Variants in BASP1 observed in about 807,000 individuals in gnomAD.
The protein encoded by BASP1 is brain abundant membrane attached signal protein 1.
Under a neutral mutation model 2.2 loss-of-function variants are expected in BASP1, and 1 was observed. The observed-to-expected ratio is 0.46, with a 90% confidence interval of 0.16 to 2.17. BASP1 has a LOEUF of 2.17. Among genes scored for constraint, BASP1 ranks in the 30% most tolerant of loss-of-function variants. BASP1 has a pLI of 0.27. For missense variants in BASP1, 352 were observed against 327.2 expected, an observed-to-expected ratio of 1.08 and a Z score of -0.58; for synonymous variants, 187 against 154.2, an observed-to-expected ratio of 1.21 and a Z score of -1.58.
intron 1 of BASP1, among the ~76,000 whole-genome samples, chr5:17,249,926 C>T (rs1158178988): frequency 6.6e-6 from 1 of 152,060 alleles, no homozygotes; most frequent in Non-Finnish European, 1.5e-5. Flanking sequence ...CTGAGGTACA[C>T]CATTGATTTT....
intron 1 of BASP1, among the ~76,000 whole-genome samples, chr5:17,234,755 T>C (rs1156481520): frequency 1.3e-5 from 2 of 152,186 alleles, no homozygotes; most frequent in African/African-American, 2.4e-5. Context: ...CGTAGATACA[T>C]GGGGTAGAGA....
At chr5:17,273,878 C>T (rs73052823) in intron 1 of BASP1, among the ~76,000 whole-genome samples, 2,555 of 152,134 alleles carry the variant, frequency 0.017, 70 homozygotes, top group African/African-American at 0.059. Context: ...TGATTTCTGC[C>T]ACGCTTCATC....
intron 1 of BASP1, among the ~76,000 whole-genome samples, chr5:17,243,409 C>T (rs1739911978): frequency 6.6e-6 from 1 of 152,162 alleles, no homozygotes; most frequent in Non-Finnish European, 1.5e-5. Flanking sequence ...CTGCCTTGGC[C>T]TCCCAAAGTG....
At chr5:17,252,388 A>T (rs1388145742) in intron 1 of BASP1, among the ~76,000 whole-genome samples, 2 of 152,268 alleles carry the variant, frequency 1.3e-5, no homozygotes, top group South Asian at 2.1e-4. Context: ...ATCCCCTCTC[A>T]TGTAAAGGTA....
intron 1 of BASP1, among the ~76,000 whole-genome samples, chr5:17,220,395 A>G (rs925246723): frequency 6.6e-6 from 1 of 152,142 alleles, no homozygotes; most frequent in Admixed American, 6.5e-5. Context: ...TATAGAACAA[A>G]TTCAATAGCA....
Position 17,247,297 on chromosome 5 carries a change from A to G in BASP1, c.-9-27911A>G, listed in dbSNP as rs79979912. 2.5e-3 allele frequency among the ~76,000 whole-genome samples: 381 copies of G among 152,330 alleles called. 8 individuals carry two copies. The East Asian group carries it at 0.053, about 21-fold the overall frequency. Reference sequence around the variant, plus strand: ...GAATGTTGGATTCTTAAAGTTCTGAACATGTAAAGTATAGGCCACTGGATC... The same window carrying G: ...GAATGTTGGATTCTTAAAGTTCTGAGCATGTAAAGTATAGGCCACTGGATC... On this transcript the variant is annotated intron_variant, in intron 1 of 1. Coordinates refer to ENST00000322611, the MANE Select transcript of BASP1 (RefSeq NM_006317.5).
chr5:17,268,349 A>G (rs947125216), intron 1 of BASP1, among the ~76,000 whole-genome samples: 13 of 152,204 alleles, frequency 8.5e-5, no homozygotes, highest in Admixed American at 6.5e-5. Flanking sequence ...TCAAACTGAA[A>G]GACTGAATTT....
intron 1 of BASP1, among the ~76,000 whole-genome samples, chr5:17,237,676 C>T (rs183678065): frequency 1.7e-3 from 244 of 145,494 alleles, no homozygotes; most frequent in African/African-American, 5.9e-3. Flanking sequence ...GGCTGTAGTG[C>T]AGTGGCTCAC....
intron 1 of BASP1, among the ~76,000 whole-genome samples, chr5:17,244,194 C>T (rs1229103897): frequency 6.6e-6 from 1 of 152,084 alleles, no homozygotes; most frequent in Non-Finnish European, 1.5e-5. Context: ...GGCTTTAACA[C>T]CATGTGTGCT....
intron 1 of BASP1, among the ~76,000 whole-genome samples, chr5:17,218,255 G>A (rs1396246219): frequency 2.3e-5 from 3 of 130,656 alleles, no homozygotes; most frequent in Non-Finnish European, 4.8e-5. Flanking sequence ...GGCGAGGGGC[G>A]CAGCAGCCAA....
chr5:17,249,925 A>G (rs575872809), intron 1 of BASP1, among the ~76,000 whole-genome samples: 2 of 152,120 alleles, frequency 1.3e-5, no homozygotes, highest in African/African-American at 2.4e-5. Flanking sequence ...ACTGAGGTAC[A>G]CCATTGATTT....
intron 1 of BASP1, among the ~76,000 whole-genome samples, chr5:17,246,324 A>T (rs1394256143): frequency 7.1e-5 from 10 of 140,458 alleles, no homozygotes; most frequent in East Asian, 6.1e-4. Flanking sequence ...TACTAAAGAT[A>T]AAAAAAAAAA....
chr5:17,218,642 C>T (rs1579476232), intron 1 of BASP1, among the ~76,000 whole-genome samples: 1 of 152,220 alleles, frequency 6.6e-6, no homozygotes, highest in Non-Finnish European at 1.5e-5. Flanking sequence ...AGCGCGCGGC[C>T]CTAACTGGGC....
At chr5:17,262,336 A>C (rs1740329962) in intron 1 of BASP1, among the ~76,000 whole-genome samples, 1 of 152,198 alleles carries the variant, frequency 6.6e-6, no homozygotes, top group South Asian at 2.1e-4. Flanking sequence ...TTTGTTCTTC[A>C]GGGCAACTTA....
At chr5:17,247,813 A>C (rs1368919674) in intron 1 of BASP1, among the ~76,000 whole-genome samples, 1 of 152,146 alleles carries the variant, frequency 6.6e-6, no homozygotes, top group East Asian at 1.9e-4. Flanking sequence ...AAATCAGTAG[A>C]CTTTATGAGT....
chr5:17,266,134 G>T (rs1740411510), intron 1 of BASP1, among the ~76,000 whole-genome samples: 1 of 152,192 alleles, frequency 6.6e-6, no homozygotes, highest in South Asian at 2.1e-4. Context: ...CAGAATGGAG[G>T]TATGATTTAA....
intron 1 of BASP1, among the ~76,000 whole-genome samples, chr5:17,235,270 T>TC (rs1185497214): frequency 6.6e-6 from 1 of 151,280 alleles, no homozygotes; most frequent in African/African-American, 2.4e-5. Flanking sequence ...TTTTCTTTTT[T>TC]TTTTTTTTGA....
Position 17,260,203 on chromosome 5 carries a change from C to T in BASP1, c.-9-15005C>T, listed in dbSNP as rs1740289432. On this transcript the variant is annotated intron_variant, in intron 1 of 1. Coordinates refer to ENST00000322611, the MANE Select transcript of BASP1 (RefSeq NM_006317.5). The surrounding 1 kb of genome is among the most constrained non-coding windows in gnomAD (Gnocchi z 4.2). ...TGACGAGAATGAATAATGCATGTTT[C>T]CTGATAGTGTTTGCTACATGTGGCA... Among the ~76,000 whole-genome samples, 1 of 152,148 alleles carries T rather than the reference C, an allele frequency of 6.6e-6. No individual in the cohort carries two copies. Among genetic ancestry groups the T allele is most frequent in the Admixed American group, 6.5e-5 (1 of 15,282 alleles).
At chr5:17,243,311 G>T (rs368407646) in intron 1 of BASP1, among the ~76,000 whole-genome samples, 2 of 152,020 alleles carry the variant, frequency 1.3e-5, no homozygotes, top group African/African-American at 4.8e-5. Context: ...GTACCACCAC[G>T]TCCAGCTGAT....
Sources: allele counts gnomAD v4.1 joint callset (sites outside exome capture counted in the v4.1 genomes callset), GRCh38; gene constraint gnomAD v4.1.1; non-coding constraint Gnocchi (gnomAD v3.1); transcripts MANE v1.5; gene names NCBI Gene and HGNC (gene_info 2026-07-23, HGNC 2026-07-21).